The following GPC5 variants were observed in gnomAD, a reference collection of about 807,000 sequenced individuals.
The protein encoded by GPC5 is glypican-5.
In GPC5, 47 loss-of-function variants were observed where a neutral mutation model predicts 53.9. The observed-to-expected ratio is 0.87, with a 90% CI of 0.69 to 1.11. GPC5 has a LOEUF of 1.11. GPC5 is among the 50% of genes most tolerant of loss of function. The pLI, the probability that GPC5 is intolerant of heterozygous loss-of-function variation, is 0.00. For synonymous variants in GPC5, 286 were observed against 263.3 expected, an observed-to-expected ratio of 1.09 and a Z score of -0.84; for missense variants, 748 against 713.1, an observed-to-expected ratio of 1.05 and a Z score of -0.56.
At chr13:92,069,670 C>A (rs2041195371) in intron 6 of GPC5, among the ~76,000 whole-genome samples, 1 of 151,994 alleles carries the variant, frequency 6.6e-6, no homozygotes, top group Non-Finnish European at 1.5e-5. Context: ...TGAATTCTAA[C>A]CCTCTCATAT....
chr13:91,798,543 A>G (rs1354674729), intron 5 of GPC5, among the ~76,000 whole-genome samples: 1 of 152,184 alleles, frequency 6.6e-6, no homozygotes, highest in Non-Finnish European at 1.5e-5. Context: ...ATGGCTGCAT[A>G]GTACTCCATG....
chr13:92,335,449 G>T (rs533584848), intron 7 of GPC5, among the ~76,000 whole-genome samples: 4 of 152,124 alleles, frequency 2.6e-5, no homozygotes, highest in South Asian at 2.1e-4. Context: ...AGGGGCTTCC[G>T]TGAAGGCCTC....
intron 7 of GPC5, among the ~76,000 whole-genome samples, chr13:92,276,893 T>TG (rs1196317308): frequency 6.6e-6 from 1 of 152,086 alleles, no homozygotes; most frequent in Non-Finnish European, 1.5e-5. Context: ...TTTCAAATGA[T>TG]GATGCAAGTA....
intron 2 of GPC5, among the ~76,000 whole-genome samples, chr13:91,673,001 G>A (rs1439999840): frequency 6.6e-6 from 1 of 151,944 alleles, no homozygotes; most frequent in Non-Finnish European, 1.5e-5. Flanking sequence ...CAAAGTGCAT[G>A]TTCTCATTCG....
At chr13:92,638,165 T>C (rs1277342724) in intron 7 of GPC5, among the ~76,000 whole-genome samples, 1 of 152,118 alleles carries the variant, frequency 6.6e-6, no homozygotes, top group Non-Finnish European at 1.5e-5. Context: ...CAGAAAATAA[T>C]GTATGAAAGA....
At chr13:91,747,886 A>G (rs1405379417) in intron 4 of GPC5, among the ~76,000 whole-genome samples, 1 of 152,188 alleles carries the variant, frequency 6.6e-6, no homozygotes, top group Non-Finnish European at 1.5e-5. Context: ...GTGACTTCTC[A>G]TGAGTCTTTT....
In GPC5 at chr13:92,024,431, C is replaced by T. The variant is rs761222193; in HGVS notation, c.1401+116374C>T. Among the ~76,000 whole-genome samples the T allele has an allele frequency of 6.6e-5, 10 of 152,240 alleles. No homozygotes were observed. In the South Asian group the frequency reaches 2.1e-3, roughly 32 times the overall value. On this transcript the variant is annotated intron_variant, in intron 6 of 7. Transcript: ENST00000377067. Reference sequence around the variant, plus strand: ...AGACCTCTCTCCCTCCATCTCTTAACACATCGGTGGTTCCCCACTTTCCCC... The same window carrying T: ...AGACCTCTCTCCCTCCATCTCTTAATACATCGGTGGTTCCCCACTTTCCCC...
chr13:91,793,140 G>A (rs1238939110), intron 5 of GPC5, among the ~76,000 whole-genome samples: 1 of 152,164 alleles, frequency 6.6e-6, no homozygotes, highest in Non-Finnish European at 1.5e-5. Context: ...GTTCCTTAGA[G>A]CAGGGGAGGC....
intron 7 of GPC5, among the ~76,000 whole-genome samples, chr13:92,522,197 G>T (rs543527812): frequency 6.6e-6 from 1 of 152,274 alleles, no homozygotes; most frequent in East Asian, 1.9e-4. Context: ...AACCATTGCG[G>T]AAGACAGTGT....
chr13:91,455,690 C>T (rs952432310), intron 2 of GPC5, among the ~76,000 whole-genome samples: 4 of 152,098 alleles, frequency 2.6e-5, no homozygotes, highest in African/African-American at 7.2e-5. Context: ...AAGCTCCCCA[C>T]GAAGTTTCTG....
In GPC5 at chr13:91,798,364, C is replaced by T. The variant is rs1189683539; in HGVS notation, c.1280+41944C>T. Among the ~76,000 whole-genome samples the T allele has an allele frequency of 2.0e-5, 3 of 152,252 alleles. No homozygotes were observed. In the East Asian group the frequency reaches 5.8e-4, roughly 29 times the overall value. On this transcript the variant is annotated intron_variant, in intron 5 of 7. Transcript: ENST00000377067. ...TTCCCCTGCCTCTCCCCGACAGCCCCCAATGTATGTTGTTCCCCACCATGT... is the reference window on the plus strand; with the variant it reads ...TTCCCCTGCCTCTCCCCGACAGCCCTCAATGTATGTTGTTCCCCACCATGT...
chr13:92,010,048 T>A (rs1397644401), intron 6 of GPC5, among the ~76,000 whole-genome samples: 1 of 152,190 alleles, frequency 6.6e-6, no homozygotes, highest in Non-Finnish European at 1.5e-5. Context: ...TGCATAAACA[T>A]ATATAAGGAT....
chr13:91,690,970 A>G (rs989154932), intron 2 of GPC5, among the ~76,000 whole-genome samples: 23 of 152,358 alleles, frequency 1.5e-4, no homozygotes, highest in African/African-American at 5.5e-4. Flanking sequence ...ATTGGTAAAT[A>G]AAATTATTTG....
rs949432996 is a variant in GPC5, at chr13:92,046,179, A to G, written c.1402-98651A>G. On this transcript the variant is annotated intron_variant, in intron 6 of 7. Transcript: ENST00000377067. ...AAGATTGATCTTTTATGAAAGAAAAATCACAATTACCTATCTATGAGTATA... is the reference window on the plus strand; with the variant it reads ...AAGATTGATCTTTTATGAAAGAAAAGTCACAATTACCTATCTATGAGTATA... Among the ~76,000 whole-genome samples, 6 of 152,188 alleles carry G rather than the reference A, an allele frequency of 3.9e-5. 1 individual carries two copies. The highest frequency in any genetic ancestry group is 3.3e-4 in the Admixed American group (5 of 15,280).
At chr13:91,790,868 A>G (rs1441961965) in intron 5 of GPC5, among the ~76,000 whole-genome samples, 1 of 152,204 alleles carries the variant, frequency 6.6e-6, no homozygotes, top group Non-Finnish European at 1.5e-5. Context: ...TGTGCTAACA[A>G]CATAATCTGA....
At chr13:92,843,444 G>T (rs1475117177) in intron 7 of GPC5, among the ~76,000 whole-genome samples, 6 of 152,110 alleles carry the variant, frequency 3.9e-5, no homozygotes, top group Non-Finnish European at 7.4e-5. Flanking sequence ...GAGAGCAAAA[G>T]AAACAACAAA....
chr13:92,449,485 T>C (rs1877971663), intron 7 of GPC5, among the ~76,000 whole-genome samples: 1 of 152,186 alleles, frequency 6.6e-6, no homozygotes, highest in Admixed American at 6.6e-5. Context: ...TGTTTATTAA[T>C]GTAAATCAAA....
chr13:92,444,538 T>A (rs2139390187), intron 7 of GPC5, among the ~76,000 whole-genome samples: 1 of 151,994 alleles, frequency 6.6e-6, no homozygotes, highest in Admixed American at 6.6e-5. Flanking sequence ...ATATTAGTAT[T>A]CATTTAATAA....
chr13:92,307,779 A>G (rs2043120401), intron 7 of GPC5, among the ~76,000 whole-genome samples: 1 of 152,240 alleles, frequency 6.6e-6, no homozygotes, highest in Non-Finnish European at 1.5e-5. Flanking sequence ...GGAAACACAT[A>G]CAGAAAATCT....
Sources: allele counts gnomAD v4.1 joint callset (sites outside exome capture counted in the v4.1 genomes callset), GRCh38; gene constraint gnomAD v4.1.1; transcripts MANE v1.5; gene names NCBI Gene and HGNC (gene_info 2026-07-23, HGNC 2026-07-21).